The following SLC26A8 variants were observed in gnomAD, a reference collection of about 807,000 sequenced individuals.
SLC26A8 encodes the protein testis anion transporter 1.
Under a neutral mutation model 105.0 loss-of-function variants are expected in SLC26A8, and 70 were observed. The ratio of observed to expected loss-of-function variants is 0.67; its 90% CI spans 0.55 to 0.81. The LOEUF (loss-of-function observed/expected upper bound fraction) is 0.81, where lower values mean the gene tolerates loss of function less well. Ranked by LOEUF, SLC26A8 falls within the 40% of genes least tolerant of loss-of-function variation. SLC26A8 has a pLI of 0.00. For missense variants in SLC26A8, 998 were observed against 1,181.8 expected (o/e 0.84, Z 2.28); for synonymous variants, 415 against 438.3 (o/e 0.95, Z 0.66).
intron 19 of SLC26A8, among the ~76,000 whole-genome samples, chr6:35,947,059 C>T (rs938377331): frequency 7.9e-5 from 12 of 151,724 alleles, no homozygotes; most frequent in African/African-American, 1.7e-4. Flanking sequence ...AACAGGGTCT[C>T]GCTCTGTTGC....
intron 17 of SLC26A8, among the ~76,000 whole-genome samples, chr6:35,952,732 T>C (rs956781843): frequency 2.0e-5 from 3 of 152,076 alleles, no homozygotes; most frequent in African/African-American, 7.2e-5. Flanking sequence ...GACTGATGGG[T>C]AGGCTGAGCG....
rs763969380 is a variant in SLC26A8, at chr6:35,955,336, A to C, written c.2048T>G (p.Val683Gly). ...TCTTGATGAGTTATTAGGAAGCCAA[A>C]CTTCCTCCACCTCCTCATACTGTTG... ...QGQQYEEVEE[V>G]WLPNNSSRNS... is the part of the protein sequence containing the mutation. Residue 683 changes from valine (V) to glycine (G), a missense_variant, in exon 17 of 20, where the codon GTT (valine) becomes GGT (glycine). Coordinates refer to ENST00000490799, the MANE Select transcript of SLC26A8 (RefSeq NM_052961.4). 3.1e-6 allele frequency: 5 copies of C among 1,614,160 alleles called. No individual in the cohort carries two copies. The South Asian group carries it at 3.3e-5, about 11-fold the overall frequency.
At chr6:36,011,932 C>A (rs1485259843) in intron 3 of SLC26A8, among the ~76,000 whole-genome samples, 1 of 152,086 alleles carries the variant, frequency 6.6e-6, no homozygotes, top group African/African-American at 2.4e-5. Context: ...CTAGGTAAAA[C>A]CAATGCCAAG....
At chr6:35,951,579 T>A in intron 17 of SLC26A8, 80 bp from the exon 18 acceptor site, 1 of 1,519,960 alleles carries the variant, frequency 6.6e-7, no homozygotes, top group Non-Finnish European at 9.1e-7. Context: ...GTTTTTGTCT[T>A]GTTTTGTTTT....
At chr6:35,992,206 G>A (rs1210346329) in intron 6 of SLC26A8, among the ~76,000 whole-genome samples, 1 of 152,098 alleles carries the variant, frequency 6.6e-6, no homozygotes, top group Non-Finnish European at 1.5e-5. Flanking sequence ...TATAAGATAG[G>A]TAATGAGAAG....
At chr6:35,957,330 AT>A (rs67300118) in intron 16 of SLC26A8, among the ~76,000 whole-genome samples, 32,594 of 148,686 alleles carry the variant, frequency 0.22, 3,740 homozygotes, top group Middle Eastern at 0.32. Flanking sequence ...TGATGTTTCT[AT>A]TTTTTTTTTT....
Position 35,981,874 on chromosome 6 carries a change from TCAGTGCATATAA to T in SLC26A8, c.1025+235_1025+246del, listed in dbSNP as rs1458030958. Reference sequence around the variant, plus strand: ...AAAAAAACATGAGATTCTCTGGTATTCAGTGCATATAACAGTTTTCCTGGATAAGGGGATGGG... The same window carrying T: ...AAAAAAACATGAGATTCTCTGGTATTCAGTTTTCCTGGATAAGGGGATGGG... On this transcript the variant is annotated intron_variant, in intron 8 of 19. Transcript: ENST00000490799. This position sits in a 1 kb window ranked among gnomAD's most constrained non-coding sequence, Gnocchi z 4.0. Among the ~76,000 whole-genome samples, 1 of 152,154 alleles carries T rather than the reference TCAGTGCATATAA, an allele frequency of 6.6e-6. No individual in the cohort carries two copies. Among genetic ancestry groups the T allele is most frequent in the Non-Finnish European group, 1.5e-5 (1 of 68,028 alleles).
At chr6:36,003,517 AG>A (rs1032509395) in intron 3 of SLC26A8, among the ~76,000 whole-genome samples, 3 of 152,248 alleles carry the variant, frequency 2.0e-5, no homozygotes, top group African/African-American at 4.8e-5. Context: ...GCATTAAAAT[AG>A]ATTAATAGAT....
chr6:35,994,964 C>T (rs1487517554), intron 5 of SLC26A8, among the ~76,000 whole-genome samples: 2 of 152,340 alleles, frequency 1.3e-5, no homozygotes, highest in South Asian at 4.1e-4. Flanking sequence ...GAGAATCTGG[C>T]TTCAGTCCTG....
intron 10 of SLC26A8, 67 bp from the exon 11 acceptor site, chr6:35,969,021 C>A: frequency 7.1e-7 from 1 of 1,398,880 alleles, no homozygotes; most frequent in Non-Finnish European, 1.0e-6. Context: ...GCAACTGAGG[C>A]CTTCTGCTTG....
chr6:35,998,096 G>T (rs528214643), intron 4 of SLC26A8, among the ~76,000 whole-genome samples, 177 bp from the exon 5 acceptor site: 1 of 152,332 alleles, frequency 6.6e-6, no homozygotes, highest in Non-Finnish European at 1.5e-5. Flanking sequence ...TCCACATATT[G>T]TGACCAACTC....
At chr6:35,952,144 A>G (rs1050090768) in intron 17 of SLC26A8, among the ~76,000 whole-genome samples, 1 of 152,206 alleles carries the variant, frequency 6.6e-6, no homozygotes, top group African/African-American at 2.4e-5. Flanking sequence ...AGACAGGCAC[A>G]GGTGTGAGGC....
At chr6:35,998,126 G>A (rs1242977520) in intron 4 of SLC26A8, among the ~76,000 whole-genome samples, 1 of 152,220 alleles carries the variant, frequency 6.6e-6, no homozygotes, top group Non-Finnish European at 1.5e-5. Flanking sequence ...AGATGGTGGT[G>A]GTTTAGGTAT....
chr6:36,016,524 G>T (rs950714434), intron 2 of SLC26A8, among the ~76,000 whole-genome samples: 1 of 152,158 alleles, frequency 6.6e-6, no homozygotes, highest in Non-Finnish European at 1.5e-5. Context: ...AAGAGATCTT[G>T]AAATATTAGT....
At chr6:35,971,966 A>T (rs947547405) in intron 10 of SLC26A8, among the ~76,000 whole-genome samples, 3 of 152,194 alleles carry the variant, frequency 2.0e-5, no homozygotes, top group Admixed American at 6.5e-5. Flanking sequence ...CCACAGGCCT[A>T]CTAGGGCTCA....
chr6:35,968,609 G>GTGTGTGTGTGTGTA (rs1168496588), intron 11 of SLC26A8, among the ~76,000 whole-genome samples: 1 of 60,088 alleles, frequency 1.7e-5, no homozygotes, highest in African/African-American at 5.2e-5. Context: ...GTGTGTGTGT[G>GTGTGTGTGTGTGTA]TATATATATA....
chr6:35,959,132 C>T (rs186372047), intron 16 of SLC26A8, among the ~76,000 whole-genome samples: 4 of 152,242 alleles, frequency 2.6e-5, no homozygotes, highest in Admixed American at 1.3e-4. Context: ...AAAGCTTGGC[C>T]GCTAAGAGCC....
At chr6:35,998,579 GAA>G (rs1761428733) in intron 4 of SLC26A8, among the ~76,000 whole-genome samples, 1 of 150,242 alleles carries the variant, frequency 6.7e-6, no homozygotes. Context: ...GAAAAGAAAA[GAA>G]AAGATAATGA....
chr6:35,983,320 A>G (rs1773354690), intron 7 of SLC26A8, among the ~76,000 whole-genome samples: 1 of 152,236 alleles, frequency 6.6e-6, no homozygotes, highest in African/African-American at 2.4e-5. Context: ...TTTAAAGGTA[A>G]TACTTGTTCA....
Sources: allele counts gnomAD v4.1 joint callset (sites outside exome capture counted in the v4.1 genomes callset), GRCh38; gene constraint gnomAD v4.1.1; non-coding constraint Gnocchi (gnomAD v3.1); transcripts MANE v1.5; gene names NCBI Gene and HGNC (gene_info 2026-07-23, HGNC 2026-07-21).